SYT10: variants seen among roughly 807,000 people sequenced by gnomAD.
SYT10 encodes synaptotagmin-10.
Under a neutral mutation model 51.1 loss-of-function variants are expected in SYT10, and 31 were observed. That is an observed-to-expected ratio of 0.61 (90% CI 0.46 to 0.82). SYT10 has a LOEUF of 0.82. Ranked by LOEUF, SYT10 falls within the 40% of genes least tolerant of loss-of-function variation. The probability of loss-of-function intolerance (pLI) is 0.00; values close to 1 mark genes in which losing one functional copy is unlikely to be tolerated. For missense variants in SYT10, 603 were observed against 634.0 expected (o/e 0.95, Z 0.53); for synonymous variants, 233 against 225.9 (o/e 1.03, Z -0.28).
chr12:33,413,685 A>G (rs989918344), intron 2 of SYT10, among the ~76,000 whole-genome samples: 11 of 152,226 alleles, frequency 7.2e-5, no homozygotes, highest in African/African-American at 1.9e-4. Flanking sequence ...TGAAGGAAGC[A>G]CTAAACATGG....
At chr12:33,396,068 A>G (rs1866253503) in intron 3 of SYT10, among the ~76,000 whole-genome samples, 1 of 152,036 alleles carries the variant, frequency 6.6e-6, no homozygotes, top group Non-Finnish European at 1.5e-5. Flanking sequence ...TTAAACTTGG[A>G]CTCTTTACCA....
intron 3 of SYT10, among the ~76,000 whole-genome samples, chr12:33,398,436 C>G (rs1295090839): frequency 1.3e-5 from 2 of 151,994 alleles, no homozygotes; most frequent in Non-Finnish European, 2.9e-5. Flanking sequence ...TGGCATGAAC[C>G]TGGGAGGCGG....
At chr12:33,388,943 A>C (rs1394917127) in intron 3 of SYT10, among the ~76,000 whole-genome samples, 1 of 152,168 alleles carries the variant, frequency 6.6e-6, no homozygotes, top group Non-Finnish European at 1.5e-5. Context: ...GTAGCAATGG[A>C]GTGTAAGAGA....
chr12:33,438,640 T>C (rs1477273653), intron 1 of SYT10, among the ~76,000 whole-genome samples: 1 of 152,106 alleles, frequency 6.6e-6, no homozygotes, highest in Non-Finnish European at 1.5e-5. Context: ...CGTCTGTGAG[T>C]TGGATGTCTG....
rs139775088 is a variant in SYT10, at chr12:33,410,009, C to A, written c.510-2653G>T. On this transcript the variant is annotated intron_variant, in intron 2 of 6. Transcript: ENST00000228567. The stretch of plus-strand genomic sequence containing the variant: ...TTTAAAATAATCTAGAGCTATCCAA[C>A]ACAGTGAAGTAGTGAACTTCCTCAA... Among the ~76,000 whole-genome samples, 694 of 152,316 alleles carry A rather than the reference C, an allele frequency of 4.6e-3. 5 individuals are homozygous for A. Among genetic ancestry groups the A allele is most frequent in the Non-Finnish European group, 7.5e-3 (510 of 68,038 alleles).
intron 2 of SYT10, among the ~76,000 whole-genome samples, chr12:33,420,314 C>T (rs1866491290): frequency 6.6e-6 from 1 of 152,042 alleles, no homozygotes; most frequent in Admixed American, 6.6e-5. Flanking sequence ...AAAATGTCTG[C>T]TGGAGTTTGT....
Position 33,439,709 on chromosome 12 carries a change from T to G in SYT10, c.-187A>C. 1.5e-6 allele frequency: 1 copy of G among 655,530 alleles called. No individual in the cohort carries two copies. Among genetic ancestry groups the G allele is most frequent in the South Asian group, 2.2e-5 (1 of 44,682 alleles). The allele number at this position is 655,530 out of a possible 1,614,324, so 40.6% of individuals were successfully genotyped here. ...GGCCCCATGGCGGGAGCGGAGGGCG[T>G]AGGGGAAGGAGAGGCGCGCGAGGAG... On this transcript the variant is annotated 5_prime_UTR_variant, in exon 1 of 7. Coordinates refer to ENST00000228567, the MANE Select transcript of SYT10 (RefSeq NM_198992.4).
At position 33,382,536 on chromosome 12, in the gene SYT10, TA is replaced by T; in HGVS notation, c.1199-17del. 1 of 1,565,380 alleles carries T rather than the reference TA, an allele frequency of 6.4e-7. No homozygotes were observed. The highest frequency in any genetic ancestry group is 8.6e-7 in the Non-Finnish European group (1 of 1,162,814). On this transcript the variant is annotated splice_polypyrimidine_tract_variant and intron_variant, in intron 4 of 6. Coordinates refer to ENST00000228567, the MANE Select transcript of SYT10 (RefSeq NM_198992.4). Reference sequence around the variant, plus strand: ...ACATAAGGATCTAGGAATAAGAAGATAACTTTATTAAAATAAAAGTAATAGT... The same window carrying T: ...ACATAAGGATCTAGGAATAAGAAGATACTTTATTAAAATAAAAGTAATAGT...
At position 33,426,511 on chromosome 12, in the gene SYT10, T is replaced by C. The variant is rs1014802398; in HGVS notation, c.152-16A>G. The C allele has an allele frequency of 1.3e-6, 2 of 1,529,942 alleles. No individual in the cohort carries two copies. The highest frequency in any genetic ancestry group is 2.3e-5 in the East Asian group (1 of 43,158). The allele number at this position is 1,529,942 out of a possible 1,614,324, so 94.8% of individuals were successfully genotyped here. A position where few individuals can be genotyped will look rare whatever the true frequency, so the allele number is the denominator to read the frequency against. ...ACTGAAATATCTGGAAAAATTACAA[T>C]GTAAAAATGATTAATTAATATTGTA... On this transcript the variant is annotated splice_polypyrimidine_tract_variant and intron_variant, in intron 1 of 6. Coordinates refer to ENST00000228567, the MANE Select transcript of SYT10 (RefSeq NM_198992.4).
chr12:33,420,565 T>C (rs1866494064), intron 2 of SYT10, among the ~76,000 whole-genome samples: 1 of 152,058 alleles, frequency 6.6e-6, no homozygotes, highest in Non-Finnish European at 1.5e-5. Flanking sequence ...GGCAGGAGGA[T>C]TGCTTGAACC....
chr12:33,391,341 C>A (rs1276408102), intron 3 of SYT10, among the ~76,000 whole-genome samples: 2 of 151,722 alleles, frequency 1.3e-5, no homozygotes, highest in African/African-American at 4.8e-5. Flanking sequence ...TTGATTCTTT[C>A]CATGACGATC....
chr12:33,377,066 C>T (rs1391766806), intron 6 of SYT10, among the ~76,000 whole-genome samples, 165 bp from the exon 7 acceptor site: 1 of 152,132 alleles, frequency 6.6e-6, no homozygotes, highest in Non-Finnish European at 1.5e-5. Flanking sequence ...TCTCTGCTAC[C>T]ATGAAGGGAC....
Position 33,376,790 on chromosome 12 carries a change from G to A in SYT10, c.*40C>T. On this transcript the variant is annotated 3_prime_UTR_variant, in exon 7 of 7. Coordinates refer to ENST00000228567, the MANE Select transcript of SYT10 (RefSeq NM_198992.4). ...TTTTTTTCTGATTCAATGAGCACGTGATCCTAGATGCTTAATATCATGGTC... is the reference window on the plus strand; with the variant it reads ...TTTTTTTCTGATTCAATGAGCACGTAATCCTAGATGCTTAATATCATGGTC... The A allele has an allele frequency of 6.2e-7, 1 of 1,609,560 alleles. No individual in the cohort carries two copies. The highest frequency in any genetic ancestry group is 1.1e-5 in the South Asian group (1 of 90,904).
At chr12:33,438,105 C>A (rs1486661885) in intron 1 of SYT10, among the ~76,000 whole-genome samples, 1 of 152,084 alleles carries the variant, frequency 6.6e-6, no homozygotes, top group Non-Finnish European at 1.5e-5. Context: ...TAAACCCATT[C>A]CCACTCCCCG....
rs116407605 is a variant in SYT10 at position 33,438,924 on chromosome 12, C to T, written c.151+448G>A. Among the ~76,000 whole-genome samples, 740 of 152,346 alleles carry T rather than the reference C, an allele frequency of 4.9e-3. 13 individuals carry two copies. Among genetic ancestry groups the T allele is most frequent in the African/African-American group, 0.017 (692 of 41,586 alleles). On this transcript the variant is annotated intron_variant, in intron 1 of 6. Transcript: ENST00000228567. ...GCATGGCTTGTCCGTCCCGCCTGGC[C>T]CCCATCAACAAGGCCGGGACCAGCG...
chr12:33,439,625 G>C lies in SYT10; in HGVS notation c.-103C>G, dbSNP rs1866668370. ...GCGCCCTAAGCCATAGTCCGCCCGCGGTGACTTTGGCTGGAGATTGCGCCG... is the reference window on the plus strand; with the variant it reads ...GCGCCCTAAGCCATAGTCCGCCCGCCGTGACTTTGGCTGGAGATTGCGCCG... On this transcript the variant is annotated 5_prime_UTR_variant, in exon 1 of 7. Coordinates refer to ENST00000228567, the MANE Select transcript of SYT10 (RefSeq NM_198992.4). The C allele has an allele frequency of 7.1e-7, 1 of 1,412,950 alleles. No homozygotes were observed. Among genetic ancestry groups the C allele is most frequent in the Non-Finnish European group, 9.5e-7 (1 of 1,051,610 alleles). The allele number at this position is 1,412,950 out of a possible 1,614,324, so 87.5% of individuals were successfully genotyped here.
At chr12:33,397,140 T>C (rs1006418192) in intron 3 of SYT10, among the ~76,000 whole-genome samples, 3 of 152,186 alleles carry the variant, frequency 2.0e-5, no homozygotes, top group Non-Finnish European at 4.4e-5. Context: ...AGAAAGGTTA[T>C]AGGAAATTAA....
intron 2 of SYT10, among the ~76,000 whole-genome samples, chr12:33,410,413 T>C (rs1406259906): frequency 2.6e-5 from 4 of 152,208 alleles, no homozygotes; most frequent in Non-Finnish European, 4.4e-5. Flanking sequence ...AACCTCTCTC[T>C]ATGGTCCCCT....
intron 2 of SYT10, among the ~76,000 whole-genome samples, chr12:33,421,049 T>C (rs1263894081): frequency 2.0e-5 from 3 of 152,232 alleles, no homozygotes; most frequent in Admixed American, 6.5e-5. Flanking sequence ...CAATTTTTGC[T>C]ATCTTTTCAG....
Sources: gnomAD v4.1 joint callset for allele counts (sites outside exome capture counted in the v4.1 genomes callset) on GRCh38, gnomAD v4.1.1 for gene constraint, MANE v1.5 for transcripts, NCBI Gene and HGNC (gene_info 2026-07-23, HGNC 2026-07-21) for gene names.